RYR3: variants seen among roughly 807,000 people sequenced by gnomAD.
The protein encoded by RYR3 is brain ryanodine receptor-calcium release channel.
A neutral mutation model predicts 584.3 loss-of-function variants in RYR3; 207 were observed. That is an observed-to-expected ratio of 0.35 (90% CI 0.32 to 0.40). RYR3 has a LOEUF of 0.40. Ranked by LOEUF, RYR3 falls within the 10% of genes least tolerant of loss-of-function variation. RYR3 has a pLI of 1.00. For missense variants in RYR3, 5,616 were observed against 6,089.2 expected (o/e 0.92, Z 2.59); for synonymous variants, 2,416 against 2,248.5 (o/e 1.07, Z -2.11).
rs2061249498 is a variant in RYR3, at chr15:33,631,228, G to A, written c.2802G>A (p.Gly934=). Residue 934 remains glycine (G), a synonymous_variant, in exon 23 of 104, where the codon GGG becomes GGA. Transcript: ENST00000634891. ...TETLKTLLAL[G]CHIAHVNPAA... ...GTCACAGAACCCTCTTGGCCCTGGG[G>A]TGCCACATTGCTCATGTTAACCCAG... 3.1e-6 allele frequency: 5 copies of A among 1,588,720 alleles called. No homozygotes were observed. The highest frequency in any genetic ancestry group is 4.3e-6 in the Non-Finnish European group (5 of 1,166,318).
At position 33,800,877 on chromosome 15, in the gene RYR3, C is replaced by G; in HGVS notation, c.9918+20C>G. On this transcript the variant is annotated intron_variant, in intron 68 of 103. Transcript: ENST00000634891. The stretch of plus-strand genomic sequence containing the variant: ...TCTCATGTAAGAACACATTTGGGCC[C>G]TGGGTTTAGAATGGTTGTGAAAGCT... The G allele has an allele frequency of 6.4e-7, 1 of 1,560,888 alleles. No homozygotes were observed. The highest frequency in any genetic ancestry group is 8.8e-7 in the Non-Finnish European group (1 of 1,131,644).
At chr15:33,585,835 G>A (rs190009313) in intron 15 of RYR3, among the ~76,000 whole-genome samples, 163 bp from the exon 16 acceptor site, 3 of 152,242 alleles carry the variant, frequency 2.0e-5, no homozygotes, top group East Asian at 1.9e-4. Context: ...GAAGTCTACC[G>A]GAAATGATGC....
Position 33,542,875 on chromosome 15 carries a change from C to T in RYR3, c.647-747C>T, listed in dbSNP as rs548014718. 4.6e-5 allele frequency among the ~76,000 whole-genome samples: 7 copies of T among 152,294 alleles called. No homozygotes were observed. The East Asian group carries it at 9.7e-4, about 21-fold the overall frequency. Reference sequence around the variant, plus strand: ...AGGTAAAGCTCGGACTGGAGCCCCTCTCCTGCTACTATGTTCTTTGAATTA... The same window carrying T: ...AGGTAAAGCTCGGACTGGAGCCCCTTTCCTGCTACTATGTTCTTTGAATTA... On this transcript the variant is annotated intron_variant, in intron 7 of 103. Transcript: ENST00000634891.
At chr15:33,577,409 C>T (rs2058354539) in intron 12 of RYR3, among the ~76,000 whole-genome samples, 1 of 152,086 alleles carries the variant, frequency 6.6e-6, no homozygotes, top group Non-Finnish European at 1.5e-5. Flanking sequence ...GATACTGATA[C>T]AAAAACAAAC....
chr15:33,413,509 G>A (rs2043558431), intron 1 of RYR3, among the ~76,000 whole-genome samples: 1 of 152,222 alleles, frequency 6.6e-6, no homozygotes, highest in South Asian at 2.1e-4. Context: ...GCAGGTCAAG[G>A]AGATATCACT....
Position 33,838,232 on chromosome 15 carries a change from G to A in RYR3, c.12252G>A (p.Leu4084=), listed in dbSNP as rs767954560. Reference sequence around the variant, plus strand: ...GTGGGGAGCAGGAAAAGATGGAGCTGTTTGTGAACTTCTGTGAGGACACCA... The same window carrying A: ...GTGGGGAGCAGGAAAAGATGGAGCTATTTGTGAACTTCTGTGAGGACACCA... The part of the protein sequence containing the change: ...NEGGEQEKME[L]FVNFCEDTIF... Residue 4084 remains leucine, a synonymous_variant, in exon 89 of 104, where the codon CTG becomes CTA. Transcript: ENST00000634891. 2 of 1,613,904 alleles carry A rather than the reference G, an allele frequency of 1.2e-6. No homozygotes were observed. The highest frequency in any genetic ancestry group is 2.7e-5 in the African/African-American group (2 of 74,926).
chr15:33,368,574 C>T (rs1294716853), intron 1 of RYR3, among the ~76,000 whole-genome samples: 1 of 151,956 alleles, frequency 6.6e-6, no homozygotes, highest in Non-Finnish European at 1.5e-5. Context: ...GATGGATGAG[C>T]CTCCTGGTCC....
At chr15:33,698,160 T>C (rs142565102) in intron 40 of RYR3, among the ~76,000 whole-genome samples, 164 bp downstream of exon 40, 34 of 152,332 alleles carry the variant, frequency 2.2e-4, no homozygotes, top group Middle Eastern at 3.4e-3. Context: ...GGGATAATGC[T>C]GCTGGACGGA....
chr15:33,727,515 C>T (rs77397019), intron 46 of RYR3, among the ~76,000 whole-genome samples: 1 of 152,106 alleles, frequency 6.6e-6, no homozygotes, highest in Admixed American at 6.6e-5. Context: ...TAAGATAAAG[C>T]AAATAGATGT....
intron 75 of RYR3, among the ~76,000 whole-genome samples, chr15:33,817,339 C>A (rs2076869762): frequency 6.6e-6 from 1 of 152,168 alleles, no homozygotes; most frequent in South Asian, 2.1e-4. Flanking sequence ...CATCTAGATA[C>A]CCTTCCTGCA....
At chr15:33,530,023 C>G (rs2054725257) in intron 3 of RYR3, among the ~76,000 whole-genome samples, 1 of 152,144 alleles carries the variant, frequency 6.6e-6, no homozygotes, top group African/African-American at 2.4e-5. Context: ...GGTCTCTCAA[C>G]TGAAGGATCT....
At chr15:33,688,219 A>T (rs1311298639) in intron 38 of RYR3, among the ~76,000 whole-genome samples, 1 of 266 alleles carries the variant, frequency 3.8e-3, no homozygotes, top group Non-Finnish European at 0.023. Flanking sequence ...ATTTACAAGA[A>T]AAAAAACAAC....
intron 102 of RYR3, among the ~76,000 whole-genome samples, chr15:33,862,081 A>AGAGTGTATAGATTTTATT (rs1468092407): frequency 6.6e-6 from 1 of 152,112 alleles, no homozygotes; most frequent in African/African-American, 2.4e-5. Context: ...CAGAATGTAT[A>AGAGTGTATAGATTTTATT]GAGTGTATAG....
At chr15:33,846,101 C>G (rs752410268) in intron 93 of RYR3, among the ~76,000 whole-genome samples, 13 of 152,208 alleles carry the variant, frequency 8.5e-5, no homozygotes, top group Non-Finnish European at 1.8e-4. Context: ...CTCTTTCTCT[C>G]CAGGGAGATT....
chr15:33,391,394 G>A (rs570007071), intron 1 of RYR3, among the ~76,000 whole-genome samples: 4 of 152,190 alleles, frequency 2.6e-5, no homozygotes, highest in African/African-American at 7.2e-5. Context: ...TTGGGAGGCC[G>A]AGGTGGGTGG....
rs146147967 is a variant in RYR3 at position 33,313,446 on chromosome 15, G to A, written c.51+2350G>A. ...ATCCTCCTTCTTCATCTGTGAATTC[G>A]ACAAAATGATTTTTTGGAATCCAAT... is the stretch of plus-strand genomic sequence containing the variant. On this transcript the variant is annotated intron_variant, in intron 1 of 103. Transcript: ENST00000634891. Among the ~76,000 whole-genome samples the A allele has an allele frequency of 1.7e-4, 26 of 152,244 alleles. No homozygotes were observed. In the East Asian group the frequency reaches 4.6e-3, roughly 27 times the overall value.
At chr15:33,842,941 T>C (rs2078466601) in intron 91 of RYR3, among the ~76,000 whole-genome samples, 2 of 152,192 alleles carry the variant, frequency 1.3e-5, no homozygotes, top group South Asian at 4.2e-4. Flanking sequence ...GGATTCTTTA[T>C]ACCAATTCTA....
intron 94 of RYR3, chr15:33,849,320 A>T (rs1362425506): frequency 6.6e-6 from 1 of 152,196 alleles, no homozygotes; most frequent in African/African-American, 2.4e-5. Context: ...GCACTGATTG[A>T]CAGGCAGGTG....
chr15:33,568,089 A>G (rs552689198), intron 12 of RYR3, among the ~76,000 whole-genome samples: 2 of 152,322 alleles, frequency 1.3e-5, no homozygotes, highest in South Asian at 4.1e-4. Context: ...CAAAATGTCC[A>G]GAATAGATCA....
Sources: allele counts gnomAD v4.1 joint callset (sites outside exome capture counted in the v4.1 genomes callset), GRCh38; gene constraint gnomAD v4.1.1; transcripts MANE v1.5; gene names NCBI Gene and HGNC (gene_info 2026-07-23, HGNC 2026-07-21).